Variants in EML3 observed in about 807,000 individuals in gnomAD.
The protein encoded by EML3 is echinoderm microtubule-associated protein-like 3.
Under a neutral mutation model 106.7 loss-of-function variants are expected in EML3, and 53 were observed. The observed-to-expected ratio is 0.50, with a 90% CI of 0.40 to 0.62. The LOEUF is 0.62. EML3 is among the 20% of genes least tolerant of loss of function. EML3 has a pLI of 0.00. For missense variants in EML3, 994 were observed against 1,209.1 expected (o/e 0.82, Z 2.64); for synonymous variants, 499 against 489.6 (o/e 1.02, Z -0.25).
Position 62,609,027 on chromosome 11 carries a change from T to C in EML3, c.864A>G (p.Gly288=), listed in dbSNP as rs1942676915. The change falls in exon 7 of 22, where the codon GGA becomes GGG. Residue 288 remains glycine, a synonymous_variant. Transcript: ENST00000394773. ...ACVVVLYRPG[G]GPGGPGGGGQ... Reference sequence around the variant, plus strand: ...CGCCACCTCCAGGACCCCCTGGGCCTCCTCCAGGCCGGTACAGCACCACCA... The same window carrying C: ...CGCCACCTCCAGGACCCCCTGGGCCCCCTCCAGGCCGGTACAGCACCACCA... 1.9e-6 allele frequency: 3 copies of C among 1,613,432 alleles called. No individual in the cohort carries two copies. The highest frequency in any genetic ancestry group is 2.7e-5 in the African/African-American group (2 of 74,686).
chr11:62,611,689 G>A (rs1236805128), intron 1 of EML3, 93 bp from the exon 2 acceptor site: 4 of 1,394,288 alleles, frequency 2.9e-6, no homozygotes, highest in Non-Finnish European at 2.9e-6. Flanking sequence ...CATGTGTCCG[G>A]TAGGACTGCC....
rs372168474 is a variant in EML3 at position 62,609,086 on chromosome 11, G to A, written c.805C>T (p.Arg269Cys). ...RDSRSNLFVL[R>C]SGEVVYFIAC... The stretch of plus-strand genomic sequence containing the variant: ...ATAAAGTAGACCACCTCCCCAGAGC[G>A]CAACACAAACAGATTAGAGCGGGAG... The change falls in exon 7 of 22, where the codon CGC (arginine) becomes TGC (cysteine). Residue 269 changes from arginine (R) to cysteine (C), a missense_variant. Coordinates refer to ENST00000394773, the MANE Select transcript of EML3 (RefSeq NM_153265.3). The A allele has an allele frequency of 5.3e-5, 86 of 1,613,922 alleles. No homozygotes were observed. The highest frequency in any genetic ancestry group is 6.9e-5 in the Non-Finnish European group (81 of 1,180,024).
intron 1 of EML3, chr11:62,611,822 C>T: frequency 5.2e-6 from 3 of 579,072 alleles, no homozygotes; most frequent in Non-Finnish European, 6.0e-6. Context: ...CTGCTGCCGT[C>T]TCAGCCTCCG....
chr11:62,611,207 C>T lies in EML3; in HGVS notation c.332G>A (p.Gly111Glu), dbSNP rs998577687. The T allele has an allele frequency of 6.2e-7, 1 of 1,610,816 alleles. No individual in the cohort carries two copies. Among genetic ancestry groups the T allele is most frequent in the Non-Finnish European group, 8.5e-7 (1 of 1,179,532 alleles). The change falls in exon 3 of 22, where the codon GGG (glycine) becomes GAG (glutamate). Residue 111 changes from glycine (G) to glutamate (E), a missense_variant. Physicochemically the swap from Gly to Glu is moderately conservative, Grantham distance 98. Transcript: ENST00000394773. Reference protein sequence around the residue: ...GLSNGPPAPQGASEEPSGTQS... With the variant: ...GLSNGPPAPQEASEEPSGTQS... The stretch of plus-strand genomic sequence containing the variant: ...GGTCCCGCTAGGCTCTTCGCTGGCC[C>T]CCTGAGGGGCTGGGGGTCCATTGCT...
At chr11:62,608,497 T>C (rs1367698038) in intron 9 of EML3, 45 bp downstream of exon 9, 6 of 1,573,324 alleles carry the variant, frequency 3.8e-6, no homozygotes, top group East Asian at 2.2e-5. Flanking sequence ...AAGAGTGGGG[T>C]TCCTAGGCAA....
intron 10 of EML3, 183 bp downstream of exon 10, chr11:62,608,018 A>G: frequency 1.3e-6 from 1 of 789,518 alleles, no homozygotes; most frequent in South Asian, 1.7e-5. Context: ...CTAACACATT[A>G]TGCCTCATGA....
In EML3 at chr11:62,608,608, C is replaced by T; in HGVS notation, c.1044G>A (p.Leu348=). Residue 348 remains leucine (L), a synonymous_variant, in exon 9 of 22, where the codon TTG becomes TTA. Coordinates refer to ENST00000394773, the MANE Select transcript of EML3 (RefSeq NM_153265.3). ...CCCCCAGTCCAATCTCCTGCAGTTT[C>T]AACAGCGTCTCTGAGTCCCAGATGT... ...VVHIWDSETL[L]KLQEIGLGAF... is the part of the protein sequence containing the mutation. 6.2e-7 allele frequency: 1 copy of T among 1,614,202 alleles called. No individual in the cohort carries two copies. Among genetic ancestry groups the T allele is most frequent in the Non-Finnish European group, 8.5e-7 (1 of 1,180,028 alleles).
In EML3 at chr11:62,606,113, G is replaced by A. The variant is rs1396686393; in HGVS notation, c.1606C>T (p.Arg536Cys). The part of the protein sequence containing the change: ...GTVLSGGGRD[R>C]RLVQWGPGLV... ...CCGGGCCCCCACTGTACCAGCCGGC[G>A]GTCCCGCCCGCCACCACTCAGCACT... Residue 536 changes from arginine (R) to cysteine (C), a missense_variant, in exon 13 of 22, where the codon CGC (arginine) becomes TGC (cysteine). Transcript: ENST00000394773. 1.1e-5 allele frequency: 18 copies of A among 1,613,894 alleles called. No homozygotes were observed. Among genetic ancestry groups the A allele is most frequent in the African/African-American group, 8.0e-5 (6 of 74,940 alleles).
At position 62,607,654 on chromosome 11, in the gene EML3, T is replaced by C. The variant is rs970896470; in HGVS notation, c.1362+12A>G. ...TGCCCTCCCCATCACCTTCCACTTA[T>C]CCATGCCTCACCCCAAAGACACCCT... On this transcript the variant is annotated intron_variant, in intron 11 of 21. Coordinates refer to ENST00000394773, the MANE Select transcript of EML3 (RefSeq NM_153265.3). 1.1e-5 allele frequency: 18 copies of C among 1,609,904 alleles called. No individual in the cohort carries two copies. The highest frequency in any genetic ancestry group is 1.5e-5 in the Non-Finnish European group (18 of 1,178,146).
Position 62,607,713 on chromosome 11 carries a change from C to T in EML3, c.1315G>A (p.Gly439Arg). Residue 439 changes from glycine to arginine, a missense_variant, in exon 11 of 22, where the codon GGG (glycine) becomes AGG (arginine). Gly to Arg is a moderately radical substitution (Grantham distance 125). Transcript: ENST00000394773. ...VHFWNWSGGV[G>R]VPGNGTLTRK... is the part of the protein sequence containing the mutation. ...GTAAGGGTCCCATTCCCAGGAACCC[C>T]TACTCCACCACTCCAATTCCAGAAG... 6.2e-7 allele frequency: 1 copy of T among 1,614,092 alleles called. No homozygotes were observed. Among genetic ancestry groups the T allele is most frequent in the Non-Finnish European group, 8.5e-7 (1 of 1,180,006 alleles).
chr11:62,608,173 G>A lies in EML3; in HGVS notation c.1206+28C>T, dbSNP rs374046007. Reference sequence around the variant, plus strand: ...CACCACTCCCACCCCCAACCTCAGAGCCCCTCCAAGCCACATGGACTCCTC... The same window carrying A: ...CACCACTCCCACCCCCAACCTCAGAACCCCTCCAAGCCACATGGACTCCTC... On this transcript the variant is annotated intron_variant, in intron 10 of 21. Coordinates refer to ENST00000394773, the MANE Select transcript of EML3 (RefSeq NM_153265.3). 634 of 1,604,394 alleles carry A rather than the reference G, an allele frequency of 4.0e-4. 7 individuals are homozygous for A. In the South Asian group the frequency reaches 6.5e-3, roughly 16 times the overall value.
intron 10 of EML3, 30 bp from the exon 11 acceptor site, chr11:62,607,851 C>T (rs763955921): frequency 6.2e-7 from 1 of 1,602,172 alleles, no homozygotes; most frequent in Non-Finnish European, 8.5e-7. Flanking sequence ...TTCAGCCACC[C>T]CAAGCCCTGG....
At chr11:62,610,108 C>T (rs1337194599) in intron 4 of EML3, among the ~76,000 whole-genome samples, 1 of 152,222 alleles carries the variant, frequency 6.6e-6, no homozygotes, top group African/African-American at 2.4e-5. Flanking sequence ...CACGTGCGCG[C>T]CACTAGGCCC....
rs755505749 is a variant in EML3 at position 62,603,259 on chromosome 11, G to T, written c.2258-12C>A. ...TCCAGCCACGTCCCCTGGGGAGAGG[G>T]AGCCCGCCCAGCTCAGCTCTCACCC... On this transcript the variant is annotated splice_polypyrimidine_tract_variant and intron_variant, in intron 19 of 21. Transcript: ENST00000394773. 2 of 1,611,834 alleles carry T rather than the reference G, an allele frequency of 1.2e-6. No individual in the cohort carries two copies. Among genetic ancestry groups the T allele is most frequent in the East Asian group, 4.5e-5 (2 of 44,880 alleles).
chr11:62,608,059 TAAGGGTCAGAG>T (rs1942622233), intron 10 of EML3, 131 bp downstream of exon 10: 2 of 886,616 alleles, frequency 2.3e-6, no homozygotes, highest in African/African-American at 3.3e-5. Context: ...ATGAAGAAAC[TAAGGGTCAGAG>T]AAGCTAGGAG....
At chr11:62,611,042 C>T (rs1447093630) in intron 3 of EML3, 45 bp downstream of exon 3, 2 of 1,605,964 alleles carry the variant, frequency 1.2e-6, no homozygotes, top group Non-Finnish European at 1.7e-6. Flanking sequence ...CTCTGCAATC[C>T]TACCACCCCT....
In EML3 at chr11:62,603,175, G is replaced by A. The variant is rs1175269661; in HGVS notation, c.2330C>T (p.Thr777Ile). 13 of 1,614,094 alleles carry A rather than the reference G, an allele frequency of 8.1e-6. No individual in the cohort carries two copies. The highest frequency in any genetic ancestry group is 1.1e-5 in the Non-Finnish European group (13 of 1,180,024). The change falls in exon 20 of 22, where the codon ACC becomes ATC. Residue 777 changes from threonine to isoleucine, a missense_variant. Physicochemically the swap from Thr to Ile is moderately conservative, Grantham distance 89 (BLOSUM62 -1). Coordinates refer to ENST00000394773, the MANE Select transcript of EML3 (RefSeq NM_153265.3). ...GTAGACGTGAAAGCCCAGCACACAG[G>A]TGTAGGTAGCCCATTCCCGGTCTCG... ...ESRDREWATY[T>I]CVLGFHVYGV...
Position 62,605,429 on chromosome 11 carries a change from G to T in EML3, c.1914+213C>A, listed in dbSNP as rs1242443924. ...GCTGGATCAAGAGGAAGTCTGAGGG[G>T]TTCTGGGGGCGGCAGGGAGTGCCCA... On this transcript the variant is annotated intron_variant, in intron 15 of 21. Transcript: ENST00000394773. This position sits in a 1 kb window ranked among gnomAD's most constrained non-coding sequence, Gnocchi z 5.2. 6.6e-6 allele frequency among the ~76,000 whole-genome samples: 1 copy of T among 152,186 alleles called. No individual in the cohort carries two copies. The highest frequency in any genetic ancestry group is 1.5e-5 in the Non-Finnish European group (1 of 68,026).
chr11:62,607,542 G>GAAA, intron 11 of EML3, 124 bp downstream of exon 11: 38 of 950,386 alleles, frequency 4.0e-5, no homozygotes, highest in South Asian at 8.5e-5. Flanking sequence ...CGTCTCAAAA[G>GAAA]AAAAAAAAAA....
Sources: allele counts gnomAD v4.1 joint callset (sites outside exome capture counted in the v4.1 genomes callset), GRCh38; gene constraint gnomAD v4.1.1; non-coding constraint Gnocchi (gnomAD v3.1); transcripts MANE v1.5; gene names NCBI Gene and HGNC (gene_info 2026-07-23, HGNC 2026-07-21).